The following ITGA7 variants were observed in gnomAD, a reference collection of about 807,000 sequenced individuals.
ITGA7 encodes integrin alpha-7.
ITGA7 carries 84 observed loss-of-function variants against 131.6 expected under a neutral mutation model. That is an observed-to-expected ratio of 0.64 (90% confidence interval 0.54 to 0.77). ITGA7 has a LOEUF of 0.77. ITGA7 is among the 30% of genes least tolerant of loss of function. The pLI, the probability that ITGA7 is intolerant of heterozygous loss-of-function variation, is 0.00. For synonymous variants in ITGA7, 548 were observed against 600.7 expected (o/e 0.91, Z 1.28); for missense variants, 1,399 against 1,482.9 (o/e 0.94, Z 0.93).
chr12:55,703,018 C>G, intron 2 of ITGA7, 33 bp downstream of exon 2: 1 of 1,613,944 alleles, frequency 6.2e-7, no homozygotes, highest in Non-Finnish European at 8.5e-7. Context: ...CCCGCTCACA[C>G]GCTTCCCCCA....
At chr12:55,701,384 T>G (rs1011026617) in intron 3 of ITGA7, 1 of 1,551,826 alleles carries the variant, frequency 6.4e-7, no homozygotes, top group African/African-American at 1.4e-5. Context: ...CCCACTTCCT[T>G]GCCCTCAAAT....
chr12:55,716,280 T>C (rs1426715395), upstream of ITGA7: 5 of 1,524,190 alleles, frequency 3.3e-6, no homozygotes, highest in Admixed American at 4.7e-5. Context: ...TAACTAACCA[T>C]ATCCAGGGAA....
chr12:55,689,041 C>G, intron 21 of ITGA7, 84 bp from the exon 22 acceptor site: 1 of 1,006,494 alleles, frequency 9.9e-7, no homozygotes, highest in Non-Finnish European at 1.6e-6. Flanking sequence ...CTTACTTGAC[C>G]TCAAACTCCC....
upstream of ITGA7, among the ~76,000 whole-genome samples, chr12:55,709,949 A>T (rs1592503843): frequency 6.6e-6 from 1 of 152,368 alleles, no homozygotes; most frequent in East Asian, 1.9e-4. Flanking sequence ...AGGGAGGGGA[A>T]CACACAAGAG....
chr12:55,685,722 G>A (rs746489014), intron 24 of ITGA7, among the ~76,000 whole-genome samples: 2 of 152,206 alleles, frequency 1.3e-5, no homozygotes, highest in Admixed American at 6.5e-5. Flanking sequence ...CATGCACCCC[G>A]TGTACTTGTA....
intron 21 of ITGA7, among the ~76,000 whole-genome samples, chr12:55,692,274 G>A (rs991079016): frequency 5.3e-5 from 8 of 152,062 alleles, no homozygotes; most frequent in Non-Finnish European, 8.8e-5. Flanking sequence ...AAAATCAGCC[G>A]GGTGTGGTGG....
rs778047540 is a variant in ITGA7 at position 55,688,885 on chromosome 12, G to T, written c.2917C>A (p.Leu973Met). ...TTCCAGAGACGGCCCCAGACATGCA[G>T]CACAGCCGCGCGGTCAAAGCTGTAG... Reference protein sequence around the residue: ...PLYSFDRAAVLHVWGRLWNST... With the variant: ...PLYSFDRAAVMHVWGRLWNST... Residue 973 changes from leucine to methionine, a missense_variant, in exon 22 of 25, where the codon CTG becomes ATG. Coordinates refer to ENST00000257879, the MANE Select transcript of ITGA7 (RefSeq NM_002206.3). 2 of 1,614,056 alleles carry T rather than the reference G, an allele frequency of 1.2e-6. No homozygotes were observed. The highest frequency in any genetic ancestry group is 3.3e-5 in the Admixed American group (2 of 60,032).
In ITGA7 at chr12:55,697,019, C is replaced by A. The variant is rs61733963; in HGVS notation, c.1617G>T (p.Gln539His). ...DADTDRRLRG[Q>H]VPRVTFLSRN... ...GGCTCAGGAACGTCACACGGGGAAC[C>A]TGGCCCCGGAGCCTCCGGTCTGTGT... Residue 539 changes from glutamine (Q) to histidine (H), a missense_variant, in exon 12 of 25, where the codon CAG (glutamine) becomes CAT (histidine). Gln to His is a conservative substitution (Grantham distance 24). Coordinates refer to ENST00000257879, the MANE Select transcript of ITGA7 (RefSeq NM_002206.3). The A allele has an allele frequency of 3.0e-3, 4,767 of 1,614,096 alleles. 125 individuals are homozygous for A. In the African/African-American group the frequency reaches 0.058, roughly 20 times the overall value.
At chr12:55,705,694 T>A (rs190015725) in intron 1 of ITGA7, among the ~76,000 whole-genome samples, 2 of 152,388 alleles carry the variant, frequency 1.3e-5, no homozygotes, top group East Asian at 3.9e-4. Flanking sequence ...CACTGCGGGC[T>A]ATGCACTATT....
intron 4 of ITGA7, chr12:55,700,376 G>A: frequency 6.2e-7 from 1 of 1,608,458 alleles, no homozygotes; most frequent in East Asian, 2.2e-5. Flanking sequence ...TGTGCACAGA[G>A]CTCCACCCTG....
intron 1 of ITGA7, 64 bp from the exon 2 acceptor site, chr12:55,703,242 T>G: frequency 6.4e-7 from 1 of 1,567,906 alleles, no homozygotes; most frequent in Non-Finnish European, 8.6e-7. Context: ...CCCAATCTCA[T>G]TAGAGCTGCC....
At chr12:55,690,037 T>A (rs1361930398) in intron 21 of ITGA7, among the ~76,000 whole-genome samples, 2 of 152,170 alleles carry the variant, frequency 1.3e-5, no homozygotes, top group Non-Finnish European at 2.9e-5. Flanking sequence ...AACCTAGGAA[T>A]TACCATTCAG....
intron 20 of ITGA7, 57 bp from the exon 21 acceptor site, chr12:55,693,032 T>A: frequency 1.2e-6 from 2 of 1,613,370 alleles, no homozygotes; most frequent in South Asian, 2.2e-5. Flanking sequence ...AGTGCTAAGA[T>A]CGAATCTCCT....
At chr12:55,686,366 G>A in intron 24 of ITGA7, 2 of 1,104,600 alleles carry the variant, frequency 1.8e-6, no homozygotes, top group Non-Finnish European at 2.4e-6. Context: ...TGGAAAGATT[G>A]AGGAAGGACA....
chr12:55,687,663 T>C (rs1870521815), intron 24 of ITGA7, among the ~76,000 whole-genome samples: 1 of 151,946 alleles, frequency 6.6e-6, no homozygotes. Flanking sequence ...GCTAATTTTG[T>C]ATTTTAAGTA....
upstream of ITGA7, among the ~76,000 whole-genome samples, chr12:55,713,308 C>A (rs933372644): frequency 6.6e-6 from 1 of 152,186 alleles, no homozygotes; most frequent in Non-Finnish European, 1.5e-5. Context: ...TCAAACACTC[C>A]TCCCCTGCCA....
upstream of ITGA7, among the ~76,000 whole-genome samples, chr12:55,713,704 G>A (rs954491636): frequency 6.6e-6 from 1 of 152,150 alleles, no homozygotes; most frequent in African/African-American, 2.4e-5. Context: ...AGTATCTAAC[G>A]TTTTTATTAG....
intron 1 of ITGA7, among the ~76,000 whole-genome samples, chr12:55,705,985 GAGCAC>G (rs1875100747): frequency 6.6e-6 from 1 of 152,222 alleles, no homozygotes; most frequent in East Asian, 1.9e-4. Flanking sequence ...CCCAGCAGCA[GAGCAC>G]CCCCTGCTGG....
rs199960596 is a variant in ITGA7 at position 55,685,333 on chromosome 12, G to A, written c.3184-45C>T. 3.3e-5 allele frequency: 52 copies of A among 1,567,490 alleles called. No homozygotes were observed. The East Asian group carries it at 4.5e-4, about 13-fold the overall frequency. On this transcript the variant is annotated intron_variant, in intron 24 of 24. Coordinates refer to ENST00000257879, the MANE Select transcript of ITGA7 (RefSeq NM_002206.3). ...GACCATGAGGAGCCTGAAGAGCTGCGGTCCCTGGAGCAGATGCCTAGCGCG... is the reference window on the plus strand; with the variant it reads ...GACCATGAGGAGCCTGAAGAGCTGCAGTCCCTGGAGCAGATGCCTAGCGCG...
Sources: gnomAD v4.1 joint callset for allele counts (sites outside exome capture counted in the v4.1 genomes callset) on GRCh38, gnomAD v4.1.1 for gene constraint, MANE v1.5 for transcripts, NCBI Gene and HGNC (gene_info 2026-07-23, HGNC 2026-07-21) for gene names.